Variants in TUB observed in about 807,000 individuals in gnomAD.
The protein encoded by TUB is tubby protein homolog.
TUB carries 33 observed loss-of-function variants against 59.7 expected under a neutral mutation model. The ratio of observed to expected loss-of-function variants is 0.55; its 90% CI spans 0.42 to 0.74. The LOEUF (loss-of-function observed/expected upper bound fraction) is 0.74, where lower values mean the gene tolerates loss of function less well. Ranked by LOEUF, TUB falls within the 30% of genes least tolerant of loss-of-function variation. TUB has a pLI of 0.00. For missense variants in TUB, 659 were observed against 672.0 expected, an observed-to-expected ratio of 0.98 and a Z score of 0.21; for synonymous variants, 293 against 256.4, an observed-to-expected ratio of 1.14 and a Z score of -1.36.
intron 2 of TUB, among the ~76,000 whole-genome samples, chr11:8,040,571 C>G (rs1228404910): frequency 6.6e-6 from 1 of 152,158 alleles, no homozygotes; most frequent in Non-Finnish European, 1.5e-5. Context: ...ATGGCAGGGA[C>G]CCCATTGCTC....
rs72848490 is a variant in TUB, at chr11:8,103,207, C to T, written c.*1588C>T. The T allele has an allele frequency of 0.021, 3,160 of 152,280 alleles. 56 individuals are homozygous for T. The highest frequency in any genetic ancestry group is 0.04 in the Admixed American group (616 of 15,288). 9.4% of individuals were successfully genotyped at this position (152,280 alleles called of 1,614,324 possible). ...GCCTGAGCCTAACTCCCTCCACTAC[C>T]GCTATTTCTCCTTGGATGGCACCAT... On this transcript the variant is annotated 3_prime_UTR_variant, in exon 12 of 12. Transcript: ENST00000299506.
chr11:8,054,575 C>T (rs1942987255), intron 2 of TUB, among the ~76,000 whole-genome samples: 1 of 152,196 alleles, frequency 6.6e-6, no homozygotes, highest in African/African-American at 2.4e-5. Flanking sequence ...ACCTGCATGC[C>T]ATGTCATCTC....
At chr11:8,030,154 G>A (rs1013404418) in intron 1 of TUB, among the ~76,000 whole-genome samples, 3 of 152,122 alleles carry the variant, frequency 2.0e-5, no homozygotes, top group Non-Finnish European at 2.9e-5. Flanking sequence ...ACTTGCCCGC[G>A]CTGAAGTTTG....
intron 1 of TUB, among the ~76,000 whole-genome samples, chr11:8,086,046 T>G (rs532475794): frequency 1.3e-5 from 2 of 152,160 alleles, no homozygotes; most frequent in Non-Finnish European, 2.9e-5. Flanking sequence ...CATGAGCCAG[T>G]GGCTTTCCTG....
chr11:8,097,266 A>G lies in TUB; in HGVS notation c.726A>G (p.Gln242=). The change falls in exon 7 of 12, where the codon CAA becomes CAG. Residue 242 remains glutamine, a synonymous_variant. Transcript: ENST00000299506. ...CCCCTAGCCCAACAGCTCCAGAGCA[A>G]CCAGTGGACGTTGAGGTCCAGGATC... ...ASAPSPTAPE[Q]PVDVEVQDLE... is the part of the protein sequence containing the mutation. 6.2e-7 allele frequency: 1 copy of G among 1,614,170 alleles called. No individual in the cohort carries two copies. The highest frequency in any genetic ancestry group is 8.5e-7 in the Non-Finnish European group (1 of 1,180,036).
intron 1 of TUB, chr11:8,039,150 T>TC: frequency 7.9e-7 from 1 of 1,266,148 alleles, no homozygotes; most frequent in South Asian, 1.5e-5. Context: ...ATGGTGCTGC[T>TC]CCCCTATCAC....
chr11:8,092,107 G>A (rs560058629), intron 3 of TUB, among the ~76,000 whole-genome samples: 3 of 152,314 alleles, frequency 2.0e-5, no homozygotes. Context: ...CAGAAAGACT[G>A]TGGTACAACT....
intron 2 of TUB, among the ~76,000 whole-genome samples, chr11:8,050,234 G>A (rs564353399): frequency 6.6e-5 from 10 of 152,264 alleles, no homozygotes; most frequent in South Asian, 2.1e-4. Flanking sequence ...GCATTCTACC[G>A]TTCATGGACA....
At position 8,038,946 on chromosome 11, in the gene TUB, G is replaced by C. The variant is rs748551548; in HGVS notation, c.73G>C (p.Gly25Arg). 51 of 1,613,894 alleles carry C rather than the reference G, an allele frequency of 3.2e-5. No individual in the cohort carries two copies. The highest frequency in any genetic ancestry group is 4.2e-5 in the Non-Finnish European group (49 of 1,179,994). The change falls in exon 1 of 13, where the codon GGC becomes CGC. Residue 25 changes from glycine to arginine, a missense_variant. By Grantham distance (125) the Gly-to-Arg change is moderately radical. Transcript: ENST00000305253. ...CGAGACAGGGATTTTGTTCCCAGGAGGCACTCCCTGGCCCATGGGATCTCA... is the reference window on the plus strand; with the variant it reads ...CGAGACAGGGATTTTGTTCCCAGGACGCACTCCCTGGCCCATGGGATCTCA...
intron 1 of TUB, among the ~76,000 whole-genome samples, chr11:8,030,493 G>A (rs1454528962): frequency 6.6e-6 from 1 of 152,136 alleles, no homozygotes; most frequent in South Asian, 2.1e-4. Flanking sequence ...GCTCAGGTGT[G>A]TGTTCCTCTG....
chr11:8,020,309 C>G (rs1448501577), intron 1 of TUB, among the ~76,000 whole-genome samples: 2 of 152,168 alleles, frequency 1.3e-5, no homozygotes, highest in Non-Finnish European at 2.9e-5. Flanking sequence ...CTGGGCTGCT[C>G]TCATCTCCGT....
intron 4 of TUB, among the ~76,000 whole-genome samples, chr11:8,095,248 T>C (rs1943935045): frequency 6.6e-6 from 1 of 152,190 alleles, no homozygotes; most frequent in African/African-American, 2.4e-5. Context: ...TTTAAGGACG[T>C]GAGGTGTTGT....
intron 1 of TUB, among the ~76,000 whole-genome samples, chr11:8,022,313 A>C (rs1942440810): frequency 6.6e-6 from 1 of 152,236 alleles, no homozygotes; most frequent in Non-Finnish European, 1.5e-5. Flanking sequence ...TTGGGTACAT[A>C]GCATTAAAAG....
chr11:8,099,437 T>C (rs1944156711), intron 9 of TUB, among the ~76,000 whole-genome samples: 1 of 152,186 alleles, frequency 6.6e-6, no homozygotes, highest in Non-Finnish European at 1.5e-5. Context: ...GCATGGGCAC[T>C]TCTTGGAGGC....
chr11:8,098,786 G>A lies in TUB; in HGVS notation c.1027G>A (p.Val343Ile). 6.2e-7 allele frequency: 1 copy of A among 1,614,104 alleles called. No individual in the cohort carries two copies. The highest frequency in any genetic ancestry group is 8.5e-7 in the Non-Finnish European group (1 of 1,180,024). Reference protein sequence around the residue: ...RSNLMGTKFTVYDNGVNPQKA... With the variant: ...RSNLMGTKFTIYDNGVNPQKA... ...CAACTTGATGGGCACCAAGTTCACT[G>A]TTTATGACAATGGAGTCAACCCTCA... The change falls in exon 9 of 12, where the codon GTT (valine) becomes ATT (isoleucine). Residue 343 changes from valine to isoleucine, a missense_variant. Physicochemically the swap from Val to Ile is conservative, Grantham distance 29 (BLOSUM62 3). Coordinates refer to ENST00000299506, the MANE Select transcript of TUB (RefSeq NM_177972.3).
intron 2 of TUB, among the ~76,000 whole-genome samples, chr11:8,059,301 C>A (rs949213725): frequency 6.6e-6 from 1 of 152,140 alleles, no homozygotes; most frequent in Non-Finnish European, 1.5e-5. Context: ...CACAGCCCAG[C>A]AGAGGAGACA....
chr11:8,084,582 C>T (rs78889425), intron 1 of TUB, among the ~76,000 whole-genome samples: 2,719 of 152,312 alleles, frequency 0.018, 85 homozygotes, highest in African/African-American at 0.062. Flanking sequence ...TGCCCTTGTC[C>T]TCATGGTCCT....
At chr11:8,071,859 A>T (rs1943365721) in intron 2 of TUB, among the ~76,000 whole-genome samples, 1 of 152,196 alleles carries the variant, frequency 6.6e-6, no homozygotes, top group Non-Finnish European at 1.5e-5. Context: ...AGTCCATCTG[A>T]GGGCCAACCC....
intron 2 of TUB, among the ~76,000 whole-genome samples, chr11:8,056,799 G>A (rs1289517187): frequency 6.6e-6 from 1 of 152,022 alleles, no homozygotes; most frequent in Non-Finnish European, 1.5e-5. Context: ...GTTTGGGAGG[G>A]TGAGGGGTGT....
Sources: gnomAD v4.1 joint callset for allele counts (sites outside exome capture counted in the v4.1 genomes callset) on GRCh38, gnomAD v4.1.1 for gene constraint, MANE v1.5 for transcripts, NCBI Gene and HGNC (gene_info 2026-07-23, HGNC 2026-07-21) for gene names.